JAG1: variants seen among roughly 807,000 people sequenced by gnomAD.
The protein encoded by JAG1 is protein jagged-1.
Under a neutral mutation model 148.7 loss-of-function variants are expected in JAG1, and 23 were observed. The ratio of observed to expected loss-of-function variants is 0.15; its 90% CI spans 0.11 to 0.22. The LOEUF (loss-of-function observed/expected upper bound fraction) is 0.22, where lower values mean the gene tolerates loss of function less well. Among genes scored for constraint, JAG1 ranks in the 10% least tolerant of loss-of-function variants. JAG1 has a pLI of 1.00. For missense variants in JAG1, 1,054 were observed against 1,611.2 expected (o/e 0.65, Z 5.92); for synonymous variants, 572 against 598.3 (o/e 0.96, Z 0.64).
intron 2 of JAG1, 59 bp downstream of exon 2, chr20:10,672,642 G>A (rs1022391893): frequency 1.3e-5 from 20 of 1,544,616 alleles, no homozygotes; most frequent in Non-Finnish European, 1.7e-5. Context: ...GGGATAACAG[G>A]GCTCGGCCAG....
rs1250223435 is a variant in JAG1, at chr20:10,650,277, G to C, written c.1204C>G (p.Pro402Ala). ...TGGCACGTTTTCCCAGTCCACTGTGGGGGGCACACACACTTAAATCCGTTA... is the reference window on the plus strand; with the variant it reads ...TGGCACGTTTTCCCAGTCCACTGTGCGGGGCACACACACTTAAATCCGTTA... The part of the protein sequence containing the change: ...LVNGFKCVCP[P>A]QWTGKTCQLD... Residue 402 changes from proline to alanine, a missense_variant, in exon 9 of 26, where the codon CCA becomes GCA. By Grantham distance (27) the Pro-to-Ala change is conservative. Coordinates refer to ENST00000254958, the MANE Select transcript of JAG1 (RefSeq NM_000214.3). 4 of 1,613,578 alleles carry C rather than the reference G, an allele frequency of 2.5e-6. No individual in the cohort carries two copies. The African/African-American group carries it at 5.3e-5, about 22-fold the overall frequency.
intron 20 of JAG1, 57 bp downstream of exon 20, chr20:10,643,721 G>T: frequency 1.5e-6 from 2 of 1,318,948 alleles, no homozygotes; most frequent in South Asian, 2.4e-5. Context: ...GTCTTGGGGT[G>T]AGGCATGGAA....
At chr20:10,652,622 A>C in intron 5 of JAG1, 24 bp from the exon 6 acceptor site, 1 of 1,613,368 alleles carries the variant, frequency 6.2e-7, no homozygotes, top group Non-Finnish European at 8.5e-7. Context: ...GCACACCTCC[A>C]GGTTAGCCTT....
rs552615687 is a variant in JAG1 at position 10,647,811 on chromosome 20, T to C, written c.1720+149A>G. The stretch of plus-strand genomic sequence containing the variant: ...GCCGGAATAGATTGTTTCCACGTGT[T>C]GCGGCCCGCTACACAGGCAGGATCA... On this transcript the variant is annotated intron_variant, in intron 13 of 25. Transcript: ENST00000254958. The C allele has an allele frequency of 5.8e-6, 5 of 856,278 alleles. No homozygotes were observed. In the East Asian group the frequency reaches 8.0e-5, roughly 14 times the overall value. 53.0% of individuals were successfully genotyped at this position (856,278 alleles called of 1,614,324 possible).
chr20:10,656,872 TAAAAAAAA>T (rs33952645), intron 4 of JAG1, among the ~76,000 whole-genome samples: 71 of 113,366 alleles, frequency 6.3e-4, no homozygotes, highest in African/African-American at 2.2e-3. Flanking sequence ...CCTCAGCCTT[TAAAAAAAA>T]AAAAAAAAAA....
intron 7 of JAG1, 59 bp from the exon 8 acceptor site, chr20:10,651,753 C>G: frequency 1.9e-6 from 2 of 1,079,718 alleles, no homozygotes; most frequent in East Asian, 4.9e-5. Flanking sequence ...CCTCCCCACA[C>G]CCCCCTCCAA....
rs756787187 is a variant in JAG1, at chr20:10,648,071, C to T, written c.1609G>A (p.Gly537Ser). ...CTGGCACGGTTGTAGCACTGGGCAC[C>T]GTTCTGGCAGGGATTAGGCTCACAA... is the stretch of plus-strand genomic sequence containing the variant. ...DYCEPNPCQN[G>S]AQCYNRASDY... Residue 537 changes from glycine (G) to serine (S), a missense_variant, in exon 13 of 26, where the codon GGT (glycine) becomes AGT (serine). Around this residue, in one of 6 missense-constraint regions of JAG1, gnomAD observed 245 missense variants for 373.1 expected, o/e 0.66. Transcript: ENST00000254958. 19 of 1,614,022 alleles carry T rather than the reference C, an allele frequency of 1.2e-5. No homozygotes were observed. The African/African-American group carries it at 1.6e-4, about 14-fold the overall frequency.
In JAG1 at chr20:10,639,155, A is replaced by G; in HGVS notation, c.*343T>C. On this transcript the variant is annotated 3_prime_UTR_variant, in exon 26 of 26. Coordinates refer to ENST00000254958, the MANE Select transcript of JAG1 (RefSeq NM_000214.3). ...AGAGTCAATAAATATAAATAAAACT[A>G]TGATCTAAGACTGCATCACCATTAG... The G allele has an allele frequency of 6.1e-6, 2 of 325,518 alleles. No individual in the cohort carries two copies. Among genetic ancestry groups the G allele is most frequent in the South Asian group, 6.9e-5 (2 of 29,126 alleles). The allele number at this position is 325,518 out of a possible 1,614,324, so 20.2% of individuals were successfully genotyped here. A position where few individuals can be genotyped will look rare whatever the true frequency, so the allele number is the denominator to read the frequency against.
intron 4 of JAG1, 33 bp from the exon 5 acceptor site, chr20:10,656,491 C>T (rs769605391): frequency 6.3e-7 from 1 of 1,590,558 alleles, no homozygotes; most frequent in Non-Finnish European, 8.6e-7. Flanking sequence ...TGTCAGCACA[C>T]TGCCTGTTCC....
rs539156005 is a variant in JAG1 at position 10,673,362 on chromosome 20, C to G, written c.81+88G>C. 20 of 1,021,970 alleles carry G rather than the reference C, an allele frequency of 2.0e-5. No homozygotes were observed. Among genetic ancestry groups the G allele is most frequent in the Non-Finnish European group, 2.6e-5 (19 of 720,382 alleles). The allele number at this position is 1,021,970 out of a possible 1,614,324, so 63.3% of individuals were successfully genotyped here. On this transcript the variant is annotated intron_variant, in intron 1 of 25. Transcript: ENST00000254958. This position sits in a 1 kb window ranked among gnomAD's most constrained non-coding sequence, Gnocchi z 4.7. ...GAGGAGTCGGGCGCTCGAGGGCTGC[C>G]GAGCCTGCTCGCGGGGCTCAACCGC...
chr20:10,652,524 T>A lies in JAG1; in HGVS notation c.830A>T (p.Asn277Ile). 1 of 1,614,056 alleles carries A rather than the reference T, an allele frequency of 6.2e-7. No individual in the cohort carries two copies. The highest frequency in any genetic ancestry group is 8.5e-7 in the Non-Finnish European group (1 of 1,179,970). ...PHPGCVHGIC[N>I]EPWQCLCETN... is the part of the protein sequence containing the mutation. The stretch of plus-strand genomic sequence containing the variant: ...CTCACAGAGGCACTGCCAGGGCTCA[T>A]TACAGATGCCGTGGACGCATCCCGG... Residue 277 changes from asparagine to isoleucine, a missense_variant, in exon 6 of 26, where the codon AAT becomes ATT. Around this residue, in one of 6 missense-constraint regions of JAG1, gnomAD observed 104 missense variants for 235.2 expected, o/e 0.44. Transcript: ENST00000254958.
chr20:10,651,300 T>C (rs1440681110), intron 8 of JAG1: 13 of 401,122 alleles, frequency 3.2e-5, no homozygotes, highest in South Asian at 6.7e-5. Flanking sequence ...ATAACCACAA[T>C]TGGAAGGTGG....
intron 8 of JAG1, 191 bp downstream of exon 8, chr20:10,651,390 T>G: frequency 1.7e-6 from 1 of 584,416 alleles, no homozygotes; most frequent in South Asian, 2.1e-5. Flanking sequence ...TGCGCTACCT[T>G]AGTGGGACAG....
chr20:10,673,930 G>C lies in JAG1; in HGVS notation c.-400C>G, dbSNP rs1271532485. 1 of 152,656 alleles carries C rather than the reference G, an allele frequency of 6.6e-6. No homozygotes were observed. The highest frequency in any genetic ancestry group is 1.9e-4 in the East Asian group (1 of 5,166). The allele number at this position is 152,656 out of a possible 1,614,324, so 9.5% of individuals were successfully genotyped here. A position where few individuals can be genotyped will look rare whatever the true frequency, so the allele number is the denominator to read the frequency against. ...AAAAAAAAAAACCAGCCTAGCTCGCGGGCCGGCCGCAGGTAACACAATGAC... is the reference window on the plus strand; with the variant it reads ...AAAAAAAAAAACCAGCCTAGCTCGCCGGCCGGCCGCAGGTAACACAATGAC... On this transcript the variant is annotated 5_prime_UTR_variant, in exon 1 of 26. Transcript: ENST00000254958. The surrounding 1 kb of genome is among the most constrained non-coding windows in gnomAD (Gnocchi z 4.7).
Position 10,673,304 on chromosome 20 carries a change from T to G in JAG1, c.81+146A>C. ...GGCTCCCGTGGGGGAGTTGGCGCGCTCAGCCCAGGTGCAGCCGCTCGGGCG... is the reference window on the plus strand; with the variant it reads ...GGCTCCCGTGGGGGAGTTGGCGCGCGCAGCCCAGGTGCAGCCGCTCGGGCG... On this transcript the variant is annotated intron_variant, in intron 1 of 25. Coordinates refer to ENST00000254958, the MANE Select transcript of JAG1 (RefSeq NM_000214.3). The surrounding 1 kb of genome is among the most constrained non-coding windows in gnomAD (Gnocchi z 4.7). 1 of 708,406 alleles carries G rather than the reference T, an allele frequency of 1.4e-6. No homozygotes were observed. The highest frequency in any genetic ancestry group is 2.3e-6 in the Non-Finnish European group (1 of 430,306). 43.9% of individuals were successfully genotyped at this position (708,406 alleles called of 1,614,324 possible). A position where few individuals can be genotyped will look rare whatever the true frequency, so the allele number is the denominator to read the frequency against.
intron 2 of JAG1, among the ~76,000 whole-genome samples, chr20:10,665,759 C>T (rs2067449676): frequency 6.6e-6 from 1 of 152,156 alleles, no homozygotes; most frequent in Non-Finnish European, 1.5e-5. Context: ...GACAGACTTG[C>T]ACAAGCGCTA....
chr20:10,641,560 G>A lies in JAG1; in HGVS notation c.2816C>T (p.Ser939Phe). ...CTTTGTCTTCACCGGCTGGAGACTG[G>A]AAGACCGACACTCGCCCACACCAGT... ...PCTGVGECRS[S>F]SLQPVKTKCT... The change falls in exon 23 of 26, where the codon TCC (serine) becomes TTC (phenylalanine). Residue 939 changes from serine to phenylalanine, a missense_variant. Around this residue, in one of 6 missense-constraint regions of JAG1, gnomAD observed 342 missense variants for 514.6 expected, o/e 0.66. Transcript: ENST00000254958. The A allele has an allele frequency of 6.2e-7, 1 of 1,614,204 alleles. No individual in the cohort carries two copies. The highest frequency in any genetic ancestry group is 8.5e-7 in the Non-Finnish European group (1 of 1,180,044).
Position 10,673,165 on chromosome 20 carries a change from GCAA to G in JAG1, c.82-162_82-160del. ...TTCAAGGACTCAACATGATTCCGGG[GCAA>G]AAAAAAAAAAAAATGCACGAGTGCG... On this transcript the variant is annotated intron_variant, in intron 1 of 25. Coordinates refer to ENST00000254958, the MANE Select transcript of JAG1 (RefSeq NM_000214.3). The surrounding 1 kb of genome is among the most constrained non-coding windows in gnomAD (Gnocchi z 4.7). The G allele has an allele frequency of 1.7e-6, 1 of 585,108 alleles. No individual in the cohort carries two copies. The highest frequency in any genetic ancestry group is 2.1e-5 in the South Asian group (1 of 48,008). 36.2% of individuals were successfully genotyped at this position (585,108 alleles called of 1,614,324 possible).
chr20:10,643,403 C>G (rs539775603), intron 20 of JAG1, among the ~76,000 whole-genome samples: 1 of 152,322 alleles, frequency 6.6e-6, no homozygotes, highest in South Asian at 2.1e-4. Flanking sequence ...CAGTCGTCCT[C>G]CCTTCCGTTT....
Sources: gnomAD v4.1 joint callset for allele counts (sites outside exome capture counted in the v4.1 genomes callset) on GRCh38, gnomAD v4.1.1 for gene constraint, gnomAD v4.1.1 regional missense constraint, Gnocchi (gnomAD v3.1) non-coding constraint, MANE v1.5 for transcripts, NCBI Gene and HGNC (gene_info 2026-07-23, HGNC 2026-07-21) for gene names.